Variants in TANGO2 observed in about 807,000 individuals in gnomAD.
TANGO2 encodes transport and Golgi organization protein 2 homolog.
TANGO2 carries 26 observed loss-of-function variants against 39.1 expected under a neutral mutation model. That is an observed-to-expected ratio of 0.67 (90% CI 0.49 to 0.92). The LOEUF is 0.92. Ranked by LOEUF, TANGO2 falls within the 40% of genes least tolerant of loss-of-function variation. The pLI, the probability that TANGO2 is intolerant of heterozygous loss-of-function variation, is 0.00. For missense variants in TANGO2, 326 were observed against 360.1 expected (o/e 0.91, Z 0.77); for synonymous variants, 131 against 144.5 (o/e 0.91, Z 0.67).
intron 6 of TANGO2, among the ~76,000 whole-genome samples, chr22:20,060,071 C>T (rs779042247): frequency 3.9e-5 from 6 of 151,972 alleles, no homozygotes; most frequent in Non-Finnish European, 7.4e-5. Context: ...TCCTCCCAGC[C>T]GGGCGCGGTG....
chr22:20,063,171 A>G (rs996550348), intron 7 of TANGO2, 167 bp from the exon 8 acceptor site: 2 of 579,952 alleles, frequency 3.4e-6, no homozygotes, highest in Admixed American at 6.3e-5. Flanking sequence ...AAAGAAAATA[A>G]GAGAAAAGAG....
At chr22:20,045,387 C>T (rs1054017226) in intron 3 of TANGO2, among the ~76,000 whole-genome samples, 3 of 151,560 alleles carry the variant, frequency 2.0e-5, no homozygotes, top group African/African-American at 4.9e-5. Flanking sequence ...TGCAGTGAAC[C>T]GAGACTGAGC....
intron 1 of TANGO2, among the ~76,000 whole-genome samples, chr22:20,022,516 G>C (rs905761106): frequency 6.6e-6 from 1 of 152,242 alleles, no homozygotes; most frequent in African/African-American, 2.4e-5. Flanking sequence ...CCTGCCTGCT[G>C]TGATGTGTGG....
chr22:20,056,657 C>G (rs778387525), intron 6 of TANGO2: 9 of 456,596 alleles, frequency 2.0e-5, no homozygotes, highest in Non-Finnish European at 3.1e-5. Flanking sequence ...GAGAATGTGT[C>G]ACATTGCCCC....
At chr22:20,058,291 G>A (rs543920808) in intron 6 of TANGO2, 1 of 152,226 alleles carries the variant, frequency 6.6e-6, no homozygotes, top group African/African-American at 2.4e-5. Context: ...TGTATAAAGG[G>A]AATCCTATAA....
chr22:20,065,116 T>C lies in TANGO2; in HGVS notation c.*454T>C, dbSNP rs2049047702. 6.0e-6 allele frequency: 1 copy of C among 167,210 alleles called. No homozygotes were observed. Among genetic ancestry groups the C allele is most frequent in the Non-Finnish European group, 1.3e-5 (1 of 76,796 alleles). The allele number at this position is 167,210 out of a possible 1,614,324, so 10.4% of individuals were successfully genotyped here. On this transcript the variant is annotated 3_prime_UTR_variant, in exon 9 of 9. Transcript: ENST00000327374. ...CACACACACAGGTGCACACACACGA[T>C]GCCGAACAAGGCAGAAGGGCGACTC...
chr22:20,063,998 C>T (rs547209810), intron 8 of TANGO2, among the ~76,000 whole-genome samples: 1 of 152,350 alleles, frequency 6.6e-6, no homozygotes, highest in South Asian at 2.1e-4. Context: ...GTTGGGGGAT[C>T]CAGGGCCACC....
chr22:20,042,232 C>T (rs2147213772), intron 2 of TANGO2, among the ~76,000 whole-genome samples: 1 of 152,180 alleles, frequency 6.6e-6, no homozygotes, highest in East Asian at 1.9e-4. Context: ...AGTGATCCTC[C>T]CACTTTGGCC....
intron 3 of TANGO2, among the ~76,000 whole-genome samples, chr22:20,048,936 C>T (rs1449976747): frequency 2.2e-4 from 34 of 152,120 alleles, no homozygotes; most frequent in Non-Finnish European, 4.4e-5. Flanking sequence ...TGAGCCACTG[C>T]GCCCGGCCAG....
chr22:20,036,068 T>A (rs148889772), intron 1 of TANGO2, among the ~76,000 whole-genome samples: 2 of 152,294 alleles, frequency 1.3e-5, no homozygotes, highest in African/African-American at 4.8e-5. Context: ...TCAGCCTGCC[T>A]GCTACTTAGG....
intron 1 of TANGO2, among the ~76,000 whole-genome samples, chr22:20,025,566 G>A (rs1350193060): frequency 6.6e-6 from 1 of 152,160 alleles, no homozygotes; most frequent in Non-Finnish European, 1.5e-5. Context: ...GTGTCCCCCA[G>A]TGGCTGCCTA....
chr22:20,063,540 G>T (rs1401067736), intron 8 of TANGO2, 98 bp downstream of exon 8: 2 of 1,097,668 alleles, frequency 1.8e-6, no homozygotes, highest in African/African-American at 1.6e-5. Flanking sequence ...CCAGAGCCAG[G>T]CTTCTTCCTC....
chr22:20,020,146 A>G (rs576064693), upstream of TANGO2, among the ~76,000 whole-genome samples: 1 of 152,362 alleles, frequency 6.6e-6, no homozygotes, highest in Admixed American at 6.5e-5. Context: ...ACTGAATGAC[A>G]TAACTGCTCC....
intron 7 of TANGO2, chr22:20,063,004 A>C (rs1029626858): frequency 7.2e-5 from 19 of 265,038 alleles, no homozygotes; most frequent in Non-Finnish European, 1.1e-4. Flanking sequence ...CTGTAATCCC[A>C]GCTGACGGCT....
intron 1 of TANGO2, among the ~76,000 whole-genome samples, chr22:20,031,821 A>G (rs1329600723): frequency 1.3e-5 from 2 of 152,178 alleles, no homozygotes; most frequent in Non-Finnish European, 2.9e-5. Context: ...GGCAGAGCAG[A>G]GCTACAAATG....
chr22:20,045,917 C>T (rs866079017), intron 3 of TANGO2, among the ~76,000 whole-genome samples: 3 of 151,956 alleles, frequency 2.0e-5, no homozygotes, highest in Non-Finnish European at 1.5e-5. Flanking sequence ...ATGCTCTCTG[C>T]GTACTTTTCT....
In TANGO2 at chr22:20,066,188, T is replaced by C; in HGVS notation, c.*1526T>C. On this transcript the variant is annotated 3_prime_UTR_variant, in exon 9 of 9. Transcript: ENST00000327374. Reference sequence around the variant, plus strand: ...TATCAGGTCGCAATGGAGGCCCCACTGGAGCGGGAGGCAGGCTGGCCTGGA... The same window carrying C: ...TATCAGGTCGCAATGGAGGCCCCACCGGAGCGGGAGGCAGGCTGGCCTGGA... 1 of 152,890 alleles carries C rather than the reference T, an allele frequency of 6.5e-6. No individual in the cohort carries two copies. The highest frequency in any genetic ancestry group is 1.5e-5 in the Non-Finnish European group (1 of 68,546). The allele number at this position is 152,890 out of a possible 1,614,324, so 9.5% of individuals were successfully genotyped here. A position where few individuals can be genotyped will look rare whatever the true frequency, so the allele number is the denominator to read the frequency against.
At chr22:20,043,560 G>A (rs968957542) in intron 3 of TANGO2, 117 bp downstream of exon 3, 22 of 726,458 alleles carry the variant, frequency 3.0e-5, no homozygotes, top group Non-Finnish European at 4.9e-5. Context: ...GGGGTGTAGA[G>A]GTGGAACTGA....
chr22:20,023,377 T>C (rs940390822), intron 1 of TANGO2, among the ~76,000 whole-genome samples: 2 of 152,046 alleles, frequency 1.3e-5, no homozygotes, highest in African/African-American at 4.8e-5. Context: ...GGAAGCTGAG[T>C]GTTCCTCCCA....
Sources: allele counts gnomAD v4.1 joint callset (sites outside exome capture counted in the v4.1 genomes callset), GRCh38; gene constraint gnomAD v4.1.1; transcripts MANE v1.5; gene names NCBI Gene and HGNC (gene_info 2026-07-23, HGNC 2026-07-21).